The following EBF4 variants were observed in gnomAD, a reference collection of about 807,000 sequenced individuals.
EBF4 encodes the protein transcription factor COE4.
Under a neutral mutation model 67.1 loss-of-function variants are expected in EBF4, and 34 were observed. That is an observed-to-expected ratio of 0.51 (90% CI 0.39 to 0.67). The LOEUF is 0.67. Ranked by LOEUF, EBF4 falls within the 30% of genes least tolerant of loss-of-function variation. EBF4 has a pLI of 0.00. For missense variants in EBF4, 837 were observed against 873.3 expected (o/e 0.96, Z 0.52); for synonymous variants, 387 against 377.7 (o/e 1.02, Z -0.29).
chr20:2,723,775 A>G (rs987113290), intron 6 of EBF4, among the ~76,000 whole-genome samples: 10 of 139,376 alleles, frequency 7.2e-5, no homozygotes, highest in Non-Finnish European at 1.0e-4. Flanking sequence ...TATAGGTGAC[A>G]AATAAAAATT....
intron 1 of EBF4, among the ~76,000 whole-genome samples, chr20:2,695,472 G>A (rs1036755081): frequency 6.9e-6 from 1 of 145,846 alleles, no homozygotes; most frequent in African/African-American, 2.7e-5. Context: ...CATTGTGAGG[G>A]CCACATTGCT....
At chr20:2,727,889 T>C (rs2087766099) in intron 6 of EBF4, among the ~76,000 whole-genome samples, 1 of 152,218 alleles carries the variant, frequency 6.6e-6, no homozygotes, top group African/African-American at 2.4e-5. Context: ...CCGTTGCCTA[T>C]TTTTAAATTG....
chr20:2,754,503 A>C (rs1480488974), intron 14 of EBF4, among the ~76,000 whole-genome samples: 2 of 152,182 alleles, frequency 1.3e-5, no homozygotes, highest in Non-Finnish European at 2.9e-5. Context: ...TCCAGCTGGC[A>C]GTAACTGTTG....
rs893947376 is a variant in EBF4, at chr20:2,755,506, G to A, written c.1541-121G>A. On this transcript the variant is annotated intron_variant, in intron 14 of 16. Transcript: ENST00000609451. The surrounding 1 kb of genome is among the most constrained non-coding windows in gnomAD (Gnocchi z 4.7). ...ACAGCTCCCAGTGAGATCTGAGCCT[G>A]GTACCTGTGTCAGCAGCCCATGTGG... 1.5e-4 allele frequency: 96 copies of A among 644,068 alleles called. No homozygotes were observed. The highest frequency in any genetic ancestry group is 2.1e-4 in the Non-Finnish European group (75 of 354,886). 39.9% of individuals were successfully genotyped at this position (644,068 alleles called of 1,614,324 possible).
chr20:2,716,082 G>C (rs1279650097), intron 6 of EBF4, among the ~76,000 whole-genome samples: 1 of 151,872 alleles, frequency 6.6e-6, no homozygotes, highest in Non-Finnish European at 1.5e-5. Flanking sequence ...ATCTTGCCAG[G>C]CACAATAGCT....
intron 1 of EBF4, among the ~76,000 whole-genome samples, chr20:2,695,725 C>T (rs1159617623): frequency 1.3e-5 from 2 of 152,196 alleles, no homozygotes; most frequent in Admixed American, 1.3e-4. Context: ...CTGCACGGGT[C>T]TTCTCATCCC....
At chr20:2,717,518 TG>T (rs1445119107) in intron 6 of EBF4, among the ~76,000 whole-genome samples, 1 of 152,222 alleles carries the variant, frequency 6.6e-6, no homozygotes, top group African/African-American at 2.4e-5. Context: ...TTTAGTTGTA[TG>T]GGTAGCTTAT....
intron 6 of EBF4, among the ~76,000 whole-genome samples, chr20:2,723,475 C>T (rs1029014639): frequency 6.0e-5 from 9 of 150,430 alleles, no homozygotes; most frequent in African/African-American, 1.0e-4. Context: ...CTCAGCCTCC[C>T]GAGTAGCTGG....
chr20:2,695,389 AGCAT>A (rs1366256793), intron 1 of EBF4, among the ~76,000 whole-genome samples: 1 of 152,138 alleles, frequency 6.6e-6, no homozygotes, highest in African/African-American at 2.4e-5. Flanking sequence ...CTTCCCCCAG[AGCAT>A]GGGCCACAGC....
At chr20:2,758,766 GC>G (rs2088280984) in intron 15 of EBF4, 142 bp from the exon 16 acceptor site, 1 of 720,114 alleles carries the variant, frequency 1.4e-6, no homozygotes. Flanking sequence ...CTGCAGTGCT[GC>G]CATGGGCCAG....
chr20:2,731,849 AT>A (rs1160045175), intron 6 of EBF4, among the ~76,000 whole-genome samples: 2 of 152,194 alleles, frequency 1.3e-5, no homozygotes, highest in Non-Finnish European at 2.9e-5. Context: ...GTGAACGTGA[AT>A]TCTTAGGAAT....
chr20:2,736,582 C>T (rs921195507), intron 6 of EBF4, among the ~76,000 whole-genome samples: 1 of 152,230 alleles, frequency 6.6e-6, no homozygotes, highest in African/African-American at 2.4e-5. Context: ...GCACAGACTT[C>T]TGTCCAGATC....
At chr20:2,754,269 C>T (rs1449784586) in intron 14 of EBF4, among the ~76,000 whole-genome samples, 1 of 152,092 alleles carries the variant, frequency 6.6e-6, no homozygotes, top group Non-Finnish European at 1.5e-5. Flanking sequence ...TTTGCGAGAA[C>T]ATTCCTGGAG....
At chr20:2,723,824 C>T (rs988760807) in intron 6 of EBF4, among the ~76,000 whole-genome samples, 2 of 152,000 alleles carry the variant, frequency 1.3e-5, no homozygotes, top group African/African-American at 4.8e-5. Context: ...TAACCATTTT[C>T]TACCATATTG....
At chr20:2,732,625 T>C (rs984822613) in intron 6 of EBF4, among the ~76,000 whole-genome samples, 2 of 152,222 alleles carry the variant, frequency 1.3e-5, no homozygotes, top group Admixed American at 1.3e-4. Flanking sequence ...TTTTGTACAT[T>C]TGAATTTAAA....
chr20:2,753,661 C>G (rs6051360), intron 14 of EBF4, among the ~76,000 whole-genome samples: 7 of 152,362 alleles, frequency 4.6e-5, no homozygotes, highest in African/African-American at 1.7e-4. Flanking sequence ...GTGCCCTCTC[C>G]TCTCCCTGTC....
At chr20:2,711,742 T>C (rs1415765939) in intron 6 of EBF4, among the ~76,000 whole-genome samples, 1 of 152,076 alleles carries the variant, frequency 6.6e-6, no homozygotes, top group Non-Finnish European at 1.5e-5. Flanking sequence ...TACAATCTGG[T>C]AGGGGAAATA....
At chr20:2,752,402 C>T in exon 14 of EBF4, 1 of 1,273,040 alleles carries the variant, frequency 7.9e-7, no homozygotes, top group Non-Finnish European at 9.9e-7. Flanking sequence ...GGGTTCGCGC[C>T]CAGCCCCGGC....
intron 6 of EBF4, among the ~76,000 whole-genome samples, chr20:2,737,142 C>G (rs553118373): frequency 6.0e-5 from 9 of 150,526 alleles, no homozygotes; most frequent in Admixed American, 4.0e-4. Flanking sequence ...CCCAGCTACT[C>G]GGGAGGCTGA....
Sources: gnomAD v4.1 joint callset for allele counts (sites outside exome capture counted in the v4.1 genomes callset) on GRCh38, gnomAD v4.1.1 for gene constraint, Gnocchi (gnomAD v3.1) non-coding constraint, MANE v1.5 for transcripts, NCBI Gene and HGNC (gene_info 2026-07-23, HGNC 2026-07-21) for gene names.